The following NRG3 variants were observed in gnomAD, a reference collection of about 807,000 sequenced individuals.
NRG3 encodes pro-neuregulin-3, membrane-bound isoform.
Under a neutral mutation model 66.9 loss-of-function variants are expected in NRG3, and 31 were observed. The ratio of observed to expected loss-of-function variants is 0.46; its 90% confidence interval spans 0.35 to 0.63. The LOEUF is 0.63. Among genes scored for constraint, NRG3 ranks in the 20% least tolerant of loss-of-function variants. The pLI is 0.00. For missense variants in NRG3, 910 were observed against 878.9 expected (o/e 1.04, Z -0.45); for synonymous variants, 393 against 359.4 (o/e 1.09, Z -1.06).
chr10:82,771,488 T>C (rs1162982146), intron 3 of NRG3, among the ~76,000 whole-genome samples: 2 of 152,164 alleles, frequency 1.3e-5, no homozygotes, highest in Non-Finnish European at 2.9e-5. Flanking sequence ...TCATTTACTG[T>C]GGACTCGTGA....
At chr10:81,981,566 G>A (rs1310903494) in intron 1 of NRG3, among the ~76,000 whole-genome samples, 1 of 152,058 alleles carries the variant, frequency 6.6e-6, no homozygotes, top group Non-Finnish European at 1.5e-5. Context: ...CTATCATCCT[G>A]GGAAGTGGCA....
chr10:82,599,409 G>A (rs565752777), intron 2 of NRG3, among the ~76,000 whole-genome samples: 26 of 152,300 alleles, frequency 1.7e-4, no homozygotes, highest in African/African-American at 4.8e-4. Context: ...AAGAGGGGAT[G>A]AGTGATGGAA....
At chr10:82,702,612 G>A (rs1487426139) in intron 2 of NRG3, among the ~76,000 whole-genome samples, 1 of 152,156 alleles carries the variant, frequency 6.6e-6, no homozygotes, top group South Asian at 2.1e-4. Context: ...GCGACTGGAA[G>A]GGAACGCAGT....
intron 4 of NRG3, among the ~76,000 whole-genome samples, 163 bp downstream of exon 4, chr10:82,865,600 A>G (rs1321532867): frequency 2.0e-5 from 3 of 152,204 alleles, no homozygotes; most frequent in Non-Finnish European, 4.4e-5. Flanking sequence ...TAATGGCTCA[A>G]AATGAAATAA....
At chr10:82,140,720 A>T (rs1224011828) in intron 1 of NRG3, among the ~76,000 whole-genome samples, 4 of 152,028 alleles carry the variant, frequency 2.6e-5, no homozygotes, top group African/African-American at 9.7e-5. Context: ...ACGGAAGGAG[A>T]CCCCGTCTCA....
intron 4 of NRG3, among the ~76,000 whole-genome samples, chr10:82,906,010 A>G (rs1844704397): frequency 6.6e-6 from 1 of 152,118 alleles, no homozygotes; most frequent in South Asian, 2.1e-4. Context: ...TCTTTACCAA[A>G]ATCTTATCAA....
At chr10:82,346,837 T>C (rs1007896728) in intron 1 of NRG3, among the ~76,000 whole-genome samples, 361 of 152,300 alleles carry the variant, frequency 2.4e-3, no homozygotes, top group African/African-American at 8.1e-3. Flanking sequence ...TTCTAGATTT[T>C]CTAGTTTATT....
At chr10:82,073,216 A>C (rs2064905468) in intron 1 of NRG3, among the ~76,000 whole-genome samples, 2 of 152,190 alleles carry the variant, frequency 1.3e-5, no homozygotes, top group Non-Finnish European at 2.9e-5. Context: ...CAACAAAATA[A>C]AGGAGAGTTT....
intron 1 of NRG3, among the ~76,000 whole-genome samples, chr10:82,319,752 C>A (rs1393871633): frequency 6.6e-6 from 1 of 152,166 alleles, no homozygotes; most frequent in Admixed American, 6.5e-5. Flanking sequence ...ACCAGCTGAG[C>A]CTGCAGCTGC....
intron 2 of NRG3, among the ~76,000 whole-genome samples, chr10:82,365,628 C>T (rs1046012989): frequency 2.6e-5 from 4 of 152,084 alleles, no homozygotes; most frequent in African/African-American, 4.8e-5. Flanking sequence ...AGTGGTTTAC[C>T]TCTTCTAATT....
At chr10:81,939,208 A>G (rs1279858992) in intron 1 of NRG3, among the ~76,000 whole-genome samples, 2 of 152,042 alleles carry the variant, frequency 1.3e-5, no homozygotes, top group Non-Finnish European at 2.9e-5. Flanking sequence ...AATATTTATC[A>G]TAGATATTGG....
chr10:82,773,862 T>C (rs1445707318), intron 3 of NRG3, among the ~76,000 whole-genome samples: 1 of 152,186 alleles, frequency 6.6e-6, no homozygotes, highest in Non-Finnish European at 1.5e-5. Context: ...GCTTTTATTA[T>C]ATGGAGAAAC....
At chr10:82,643,733 G>A (rs1219535285) in intron 2 of NRG3, among the ~76,000 whole-genome samples, 4 of 151,812 alleles carry the variant, frequency 2.6e-5, no homozygotes, top group Non-Finnish European at 5.9e-5. Flanking sequence ...TGACCCTGTT[G>A]CTTCATTCAA....
rs373806133 is a variant in NRG3 at position 82,387,908 on chromosome 10, T to A, written c.953+29040T>A. 5.9e-4 allele frequency among the ~76,000 whole-genome samples: 90 copies of A among 152,264 alleles called. 3 individuals are homozygous for A. The East Asian group carries it at 8.3e-3, about 14-fold the overall frequency. On this transcript the variant is annotated intron_variant, in intron 2 of 8. Coordinates refer to ENST00000372141, the MANE Select transcript of NRG3 (RefSeq NM_001010848.4). ...TCATTTATACAGAGATAATATATAT[T>A]TTTAACCTGTCAGAATGGCAAAGAA... is the stretch of plus-strand genomic sequence containing the variant.
chr10:82,895,261 C>G (rs1209915528), intron 4 of NRG3, among the ~76,000 whole-genome samples: 7 of 152,100 alleles, frequency 4.6e-5, no homozygotes, highest in Non-Finnish European at 1.0e-4. Context: ...GGGTGTGTCA[C>G]TCATTTCAGA....
intron 4 of NRG3, among the ~76,000 whole-genome samples, chr10:82,898,872 G>A (rs188523579): frequency 2.0e-5 from 3 of 151,532 alleles, no homozygotes; most frequent in African/African-American, 4.8e-5. Context: ...CAGGCACCCC[G>A]GCTAATTTTT....
chr10:82,966,695 C>G (rs1226344957), intron 6 of NRG3, among the ~76,000 whole-genome samples: 3 of 152,092 alleles, frequency 2.0e-5, no homozygotes, highest in African/African-American at 7.2e-5. Flanking sequence ...ATTTGGGATT[C>G]TATCACAAAG....
At chr10:82,110,245 A>C (rs2067306429) in intron 1 of NRG3, among the ~76,000 whole-genome samples, 1 of 152,164 alleles carries the variant, frequency 6.6e-6, no homozygotes, top group Non-Finnish European at 1.5e-5. Context: ...AAAATCAAAT[A>C]AAAAATCCTT....
chr10:82,484,688 C>T (rs1326169842), intron 2 of NRG3, among the ~76,000 whole-genome samples: 1 of 152,160 alleles, frequency 6.6e-6, no homozygotes, highest in African/African-American at 2.4e-5. Flanking sequence ...TCAGTGATTA[C>T]CTTATGAAAT....
Sources: allele counts gnomAD v4.1 joint callset (sites outside exome capture counted in the v4.1 genomes callset), GRCh38; gene constraint gnomAD v4.1.1; transcripts MANE v1.5; gene names NCBI Gene and HGNC (gene_info 2026-07-23, HGNC 2026-07-21).